HCN2: variants seen among roughly 807,000 people sequenced by gnomAD.
The protein encoded by HCN2 is potassium/sodium hyperpolarization-activated cyclic nucleotide-gated channel 2.
HCN2 carries 20 observed loss-of-function variants against 52.3 expected under a neutral mutation model. The ratio of observed to expected loss-of-function variants is 0.38; its 90% confidence interval spans 0.27 to 0.56. The LOEUF is 0.56. Ranked by LOEUF, HCN2 falls within the 20% of genes least tolerant of loss-of-function variation. The pLI, the probability that HCN2 is intolerant of heterozygous loss-of-function variation, is 0.71. For synonymous variants in HCN2, 694 were observed against 537.0 expected (o/e 1.29, Z -4.04); for missense variants, 981 against 1,207.7 (o/e 0.81, Z 2.78).
chr19:610,194 A>T, intron 4 of HCN2, 65 bp from the exon 5 acceptor site: 1 of 1,553,584 alleles, frequency 6.4e-7, no homozygotes, highest in Non-Finnish European at 8.8e-7. Flanking sequence ...CAGTACAAGC[A>T]GGTGCCCCTG....
chr19:615,760 T>C (rs1286937530), intron 7 of HCN2, 35 bp from the exon 8 acceptor site: 1 of 1,604,838 alleles, frequency 6.2e-7, no homozygotes. Context: ...CAGCAGGCGC[T>C]CCCTGTGCAC....
At position 594,032 on chromosome 19, in the gene HCN2, G is replaced by T. The variant is rs144181516; in HGVS notation, c.632+3455G>T. On this transcript the variant is annotated intron_variant, in intron 1 of 7. Transcript: ENST00000251287. ...AGGTCCACTTGGGAAAGCCTGAGTCGTGCAAAGGAGGGTGTCTCCGCAGGA... is the reference window on the plus strand; with the variant it reads ...AGGTCCACTTGGGAAAGCCTGAGTCTTGCAAAGGAGGGTGTCTCCGCAGGA... Among the ~76,000 whole-genome samples the T allele has an allele frequency of 2.6e-3, 394 of 152,246 alleles. 1 individual carries two copies. Among genetic ancestry groups the T allele is most frequent in the African/African-American group, 9.1e-3 (380 of 41,534 alleles).
At chr19:613,577 CCGGGGATGGGGATGGGGATGGGGA>C (rs1983743268) in intron 6 of HCN2, 89 bp downstream of exon 6, 1 of 374,734 alleles carries the variant, frequency 2.7e-6, no homozygotes, top group South Asian at 4.2e-5. Context: ...GGGGCCGGGG[CCGGGGATGGGGATGGGGATGGGGA>C]TGGGGCCGGG....
intron 1 of HCN2, among the ~76,000 whole-genome samples, chr19:593,986 C>T (rs117772966): frequency 0.02 from 3,000 of 152,234 alleles, 41 homozygotes; most frequent in Middle Eastern, 0.071. Flanking sequence ...CCCCAGCCGC[C>T]GCTGATTCTA....
chr19:612,427 T>TGTGTGTGTGTGTGTGTGTGAGAGAGAGA, intron 5 of HCN2, among the ~76,000 whole-genome samples: 3 of 142,256 alleles, frequency 2.1e-5, no homozygotes, highest in African/African-American at 7.9e-5. Flanking sequence ...TGTGTGTGTG[T>TGTGTGTGTGTGTGTGTGTGAGAGAGAGA]GAGAGAGAGA....
At position 604,724 on chromosome 19, in the gene HCN2, ATCAGGGGTGGGGAT is replaced by A. The variant is rs1203088682; in HGVS notation, c.1057-336_1057-323del. Among the ~76,000 whole-genome samples, 259 of 99,546 alleles carry A rather than the reference ATCAGGGGTGGGGAT, an allele frequency of 2.6e-3. 4 individuals are homozygous for A. The highest frequency in any genetic ancestry group is 9.1e-3 in the African/African-American group (241 of 26,488). 65.3% of individuals were successfully genotyped at this position (99,546 alleles called of 152,430 possible). ...GGGTTTTGCTGGGGCAGGGCCAGAC[ATCAGGGGTGGGGAT>A]ATGAGGGTTGTGCTGGGGCGGTGTC... On this transcript the variant is annotated intron_variant, in intron 2 of 7. Transcript: ENST00000251287.
intron 3 of HCN2, among the ~76,000 whole-genome samples, chr19:605,900 G>A (rs908053762): frequency 2.6e-5 from 4 of 152,140 alleles, no homozygotes; most frequent in African/African-American, 9.7e-5. Context: ...TACAGAGGGG[G>A]ACCCAGGACT....
chr19:597,051 G>C (rs1245884130), intron 1 of HCN2, among the ~76,000 whole-genome samples: 1 of 152,204 alleles, frequency 6.6e-6, no homozygotes, highest in Admixed American at 6.5e-5. Flanking sequence ...GACGACGAGG[G>C]TTGCGGCCCC....
rs201703738 is a variant in HCN2 at position 612,423 on chromosome 19, T to TGAGA, written c.1585-824_1585-823insAGAG. 4.5e-3 allele frequency among the ~76,000 whole-genome samples: 565 copies of TGAGA among 126,302 alleles called. 6 individuals are homozygous for TGAGA. The highest frequency in any genetic ancestry group is 0.016 in the African/African-American group (540 of 34,412). 82.9% of individuals were successfully genotyped at this position (126,302 alleles called of 152,430 possible). A position where few individuals can be genotyped will look rare whatever the true frequency, so the allele number is the denominator to read the frequency against. ...GTGTGTGTGTGTGTGTGTGTGTGTGTGTGTGAGAGAGAGATGGAGTCTCGC... is the reference window on the plus strand; with the variant it reads ...GTGTGTGTGTGTGTGTGTGTGTGTGTGAGAGTGTGAGAGAGAGATGGAGTCTCGC... On this transcript the variant is annotated intron_variant, in intron 5 of 7. Coordinates refer to ENST00000251287, the MANE Select transcript of HCN2 (RefSeq NM_001194.4).
chr19:615,596 G>A (rs1983864521), intron 7 of HCN2, among the ~76,000 whole-genome samples, 199 bp from the exon 8 acceptor site: 1 of 152,248 alleles, frequency 6.6e-6, no homozygotes, highest in South Asian at 2.1e-4. Context: ...TGCTCAGCCT[G>A]TATATGGCAG....
chr19:599,260 C>T (rs1023178650), intron 1 of HCN2, among the ~76,000 whole-genome samples: 2 of 152,246 alleles, frequency 1.3e-5, no homozygotes, highest in Non-Finnish European at 2.9e-5. Context: ...ACCCCGCAGA[C>T]GTGGTGTTAA....
At chr19:593,043 C>T (rs936413730) in intron 1 of HCN2, among the ~76,000 whole-genome samples, 5 of 152,184 alleles carry the variant, frequency 3.3e-5, no homozygotes, top group Non-Finnish European at 5.9e-5. Flanking sequence ...ACTCTCTTCA[C>T]CTCCCCTTCC....
chr19:605,338 C>G (rs996087680), intron 3 of HCN2, 116 bp downstream of exon 3: 15 of 759,308 alleles, frequency 2.0e-5, no homozygotes, highest in Non-Finnish European at 2.9e-5. Flanking sequence ...GAGGTGGGGA[C>G]CCAGGCGCCC....
chr19:593,095 C>A (rs573422982), intron 1 of HCN2, among the ~76,000 whole-genome samples: 1 of 152,256 alleles, frequency 6.6e-6, no homozygotes, highest in Admixed American at 6.5e-5. Flanking sequence ...CTGTGCCCCC[C>A]AGGCACGCCC....
rs1225126845 is a variant in HCN2 at position 615,990 on chromosome 19, C to T, written c.2186C>T (p.Thr729Met). 14 of 1,583,852 alleles carry T rather than the reference C, an allele frequency of 8.8e-6. No individual in the cohort carries two copies. Among genetic ancestry groups the T allele is most frequent in the African/African-American group, 1.4e-5 (1 of 74,018 alleles). The change falls in exon 8 of 8, where the codon ACG becomes ATG. Residue 729 changes from threonine to methionine, a missense_variant. This residue lies in a region of HCN2 where 368 missense variants were observed against 314.8 expected (regional missense o/e 1.17). Coordinates refer to ENST00000251287, the MANE Select transcript of HCN2 (RefSeq NM_001194.4). ...CCGCAGGTCACCTCGGCCATCGCCA[C>T]GCTGCAGCAGGCGGCGGCCATGAGC... ...PPPQVTSAIATLQQAAAMSFC... is the reference protein window; with the variant it reads ...PPPQVTSAIAMLQQAAAMSFC...
intron 1 of HCN2, among the ~76,000 whole-genome samples, chr19:594,890 A>G (rs1321646972): frequency 3.9e-5 from 6 of 152,036 alleles, no homozygotes; most frequent in East Asian, 1.9e-4. Flanking sequence ...GGCCTTCCCT[A>G]TGTTCCCTGC....
Position 617,118 on chromosome 19 carries a change from C to CAAA in HCN2, c.*645_*646insAAA. 1 of 683,940 alleles carries CAAA rather than the reference C, an allele frequency of 1.5e-6. No individual in the cohort carries two copies. The highest frequency in any genetic ancestry group is 2.4e-6 in the Non-Finnish European group (1 of 410,064). The allele number at this position is 683,940 out of a possible 1,614,324, so 42.4% of individuals were successfully genotyped here. A position where few individuals can be genotyped will look rare whatever the true frequency, so the allele number is the denominator to read the frequency against. ...TGGCCCCCCACGCCCCATTAACCCC[C>CAAA]ACACCCCCATTCCGCGCAATAAACG... On this transcript the variant is annotated 3_prime_UTR_variant, in exon 8 of 8. Transcript: ENST00000251287.
chr19:593,133 C>T (rs540678115), intron 1 of HCN2, among the ~76,000 whole-genome samples: 1 of 152,356 alleles, frequency 6.6e-6, no homozygotes, highest in East Asian at 1.9e-4. Flanking sequence ...CGCTGCCCAG[C>T]TGTCTCCGCC....
At chr19:609,930 C>T (rs1323598394) in intron 4 of HCN2, among the ~76,000 whole-genome samples, 8 of 152,182 alleles carry the variant, frequency 5.3e-5, no homozygotes, top group East Asian at 1.9e-4. Flanking sequence ...ATCATTGAAA[C>T]GAATTCAACT....
Sources: gnomAD v4.1 joint callset for allele counts (sites outside exome capture counted in the v4.1 genomes callset) on GRCh38, gnomAD v4.1.1 for gene constraint, gnomAD v4.1.1 regional missense constraint, MANE v1.5 for transcripts, NCBI Gene and HGNC (gene_info 2026-07-23, HGNC 2026-07-21) for gene names.